Variants in CAST observed in about 807,000 individuals in gnomAD.
CAST encodes calpastatin.
CAST carries 76 observed loss-of-function variants against 119.6 expected under a neutral mutation model. The observed-to-expected ratio is 0.64, with a 90% CI of 0.53 to 0.77. The LOEUF is 0.77. Among genes scored for constraint, CAST ranks in the 30% least tolerant of loss-of-function variants. CAST has a pLI of 0.00. For missense variants in CAST, 953 were observed against 946.5 expected, an observed-to-expected ratio of 1.01 and a Z score of -0.09; for synonymous variants, 319 against 331.6, an observed-to-expected ratio of 0.96 and a Z score of 0.41.
At chr5:96,131,414 AT>A in the CAST span, among the ~76,000 whole-genome samples, 1 of 148,746 alleles carries the variant, frequency 6.7e-6, no homozygotes, top group African/African-American at 2.6e-5. Context: ...ATATCTTGTT[AT>A]TATACACACA....
chr5:96,416,606 G>A, the CAST span, among the ~76,000 whole-genome samples: 1 of 152,096 alleles, frequency 6.6e-6, no homozygotes, highest in Non-Finnish European at 1.5e-5. Flanking sequence ...AGCCTTAGTA[G>A]GATATCCTAG....
the CAST span, chr5:96,412,595 CA>C: frequency 9.2e-7 from 1 of 1,082,996 alleles, no homozygotes; most frequent in Non-Finnish European, 1.4e-6. Flanking sequence ...TTTTAAGAGT[CA>C]AAAACCAGGT....
chr5:96,493,431 G>C, the CAST span, among the ~76,000 whole-genome samples: 1 of 152,154 alleles, frequency 6.6e-6, no homozygotes, highest in African/African-American at 2.4e-5. Context: ...AGAGAATAAG[G>C]AAAAGTGGCT....
chr5:96,764,883 C>G (rs2150714240), intron 25 of CAST, among the ~76,000 whole-genome samples: 1 of 152,146 alleles, frequency 6.6e-6, no homozygotes, highest in African/African-American at 2.4e-5. Flanking sequence ...GCTTTTGGAC[C>G]CTTTATGTGA....
the CAST span, among the ~76,000 whole-genome samples, chr5:96,268,469 T>C: frequency 6.6e-6 from 1 of 152,122 alleles, no homozygotes; most frequent in Admixed American, 6.5e-5. Context: ...TCCCAGTTAC[T>C]TGGGAGGCTG....
chr5:96,515,996 A>G, the CAST span, among the ~76,000 whole-genome samples: 1 of 36,590 alleles, frequency 2.7e-5, no homozygotes, highest in Admixed American at 2.8e-4. Context: ...ATGGCCCTAC[A>G]CCACTCACCT....
intron 3 of CAST, among the ~76,000 whole-genome samples, chr5:96,718,776 A>G (rs149563666): frequency 6.6e-6 from 1 of 152,168 alleles, no homozygotes; most frequent in South Asian, 2.1e-4. Context: ...ACAAAGACAG[A>G]TTCAGGTGTG....
chr5:96,759,790 TAGTC>T (rs542814649), intron 24 of CAST, among the ~76,000 whole-genome samples: 21 of 152,094 alleles, frequency 1.4e-4, no homozygotes, highest in South Asian at 2.1e-4. Flanking sequence ...TTAAAGCCAA[TAGTC>T]AGTTGGCTTT....
chr5:95,970,753 A>G, the CAST span, among the ~76,000 whole-genome samples: 130 of 152,340 alleles, frequency 8.5e-4, 1 homozygote, highest in Admixed American at 1.5e-3. Flanking sequence ...TTAACTGAGA[A>G]TAAGGAGAAC....
At chr5:96,171,525 G>A in the CAST span, among the ~76,000 whole-genome samples, 1 of 152,212 alleles carries the variant, frequency 6.6e-6, no homozygotes, top group African/African-American at 2.4e-5. Context: ...AGGCGTCCCG[G>A]CGGTGATCAG....
chr5:96,432,797 G>A, the CAST span: 1 of 1,382,564 alleles, frequency 7.2e-7, no homozygotes, highest in African/African-American at 1.4e-5. Context: ...CCACTTGGAA[G>A]ACCGCGCTCC....
At chr5:96,079,477 G>T in the CAST span, among the ~76,000 whole-genome samples, 2 of 152,074 alleles carry the variant, frequency 1.3e-5, no homozygotes, top group Non-Finnish European at 2.9e-5. Flanking sequence ...GATATCTTGG[G>T]ATAAAAAATT....
the CAST span, among the ~76,000 whole-genome samples, chr5:96,361,626 C>T: frequency 1.3e-5 from 2 of 152,064 alleles, no homozygotes; most frequent in South Asian, 4.2e-4. Context: ...GAGACGATGC[C>T]CCACCCTGCT....
At chr5:96,178,626 A>G in the CAST span, among the ~76,000 whole-genome samples, 2 of 152,106 alleles carry the variant, frequency 1.3e-5, no homozygotes, top group African/African-American at 4.8e-5. Context: ...GCACTGCTCT[A>G]ATGGTGGCCT....
the CAST span, among the ~76,000 whole-genome samples, chr5:96,198,160 G>A: frequency 5.4e-3 from 828 of 152,236 alleles, 9 homozygotes; most frequent in African/African-American, 0.019. Context: ...CCTTTGCAGA[G>A]ATGGGCTGAT....
At chr5:96,199,155 GGA>G in the CAST span, among the ~76,000 whole-genome samples, 1 of 152,114 alleles carries the variant, frequency 6.6e-6, no homozygotes, top group Non-Finnish European at 1.5e-5. Flanking sequence ...AAAGTGTGTA[GGA>G]GAGATTCTCT....
At chr5:96,099,202 A>G in the CAST span, among the ~76,000 whole-genome samples, 2 of 152,162 alleles carry the variant, frequency 1.3e-5, no homozygotes, top group Non-Finnish European at 2.9e-5. Flanking sequence ...GAAGTTATTT[A>G]TCAGTTTAAG....
At chr5:96,647,498 TG>T (rs1333071149) in intron 1 of CAST, among the ~76,000 whole-genome samples, 2 of 152,118 alleles carry the variant, frequency 1.3e-5, no homozygotes, top group Non-Finnish European at 2.9e-5. Context: ...TTTTTCTAAG[TG>T]TTATGAGTTG....
chr5:95,986,042 C>T, the CAST span, among the ~76,000 whole-genome samples: 1 of 152,114 alleles, frequency 6.6e-6, no homozygotes, highest in East Asian at 1.9e-4. Flanking sequence ...ACCTGTTTTT[C>T]CTACTTTTGC....
Sources: gnomAD v4.1 joint callset for allele counts (sites outside exome capture counted in the v4.1 genomes callset) on GRCh38, gnomAD v4.1.1 for gene constraint, MANE v1.5 for transcripts, NCBI Gene and HGNC (gene_info 2026-07-23, HGNC 2026-07-21) for gene names.